FAS: variants seen among roughly 807,000 people sequenced by gnomAD.
The protein encoded by FAS is tumor necrosis factor receptor superfamily member 6.
In FAS, 5 loss-of-function variants were observed where a neutral mutation model predicts 33.2. That is an observed-to-expected ratio of 0.15 (90% confidence interval 0.08 to 0.32). The LOEUF (loss-of-function observed/expected upper bound fraction) is 0.32. Ranked by LOEUF, FAS falls within the 10% of genes least tolerant of loss-of-function variation. FAS has a pLI of 1.00. For missense variants in FAS, 339 were observed against 386.0 expected, an observed-to-expected ratio of 0.88 and a Z score of 1.02; for synonymous variants, 131 against 130.7, an observed-to-expected ratio of 1.00 and a Z score of -0.01.
chr10:89,010,569 A>G lies in FAS; in HGVS notation c.474A>G (p.Thr158=). 6.2e-7 allele frequency: 1 copy of G among 1,613,934 alleles called. No individual in the cohort carries two copies. Among genetic ancestry groups the G allele is most frequent in the East Asian group, 2.2e-5 (1 of 44,866 alleles). ...KCEHGIIKEC[T]LTSNTKCKEE... is the part of the protein sequence containing the mutation. ...AACATGGAATCATCAAGGAATGCAC[A>G]CTCACCAGCAACACCAAGTGCAAAG... The change falls in exon 5 of 9, where the codon ACA becomes ACG. Residue 158 remains threonine, a synonymous_variant. Coordinates refer to ENST00000652046, the MANE Select transcript of FAS (RefSeq NM_000043.6).
intron 1 of FAS, among the ~76,000 whole-genome samples, chr10:88,996,911 T>C (rs1355967684): frequency 1.3e-5 from 2 of 152,194 alleles, no homozygotes; most frequent in Non-Finnish European, 2.9e-5. Flanking sequence ...ACGTGGCCCC[T>C]CTGGGCTTGT....
chr10:88,985,183 G>C (rs1564664689), upstream of FAS, among the ~76,000 whole-genome samples: 1 of 152,170 alleles, frequency 6.6e-6, no homozygotes, highest in Non-Finnish European at 1.5e-5. Flanking sequence ...TGTTTACCAG[G>C]TGAGAAAACT....
Position 89,015,791 on chromosome 10 carries a change from G to C in FAS, c.*1341G>C, listed in dbSNP as rs1056653566. 2.2e-6 allele frequency: 1 copy of C among 464,922 alleles called. No individual in the cohort carries two copies. Among genetic ancestry groups the C allele is most frequent in the Admixed American group, 2.8e-5 (1 of 35,728 alleles). 28.8% of individuals were successfully genotyped at this position (464,922 alleles called of 1,614,324 possible). A position where few individuals can be genotyped will look rare whatever the true frequency, so the allele number is the denominator to read the frequency against. On this transcript the variant is annotated 3_prime_UTR_variant, in exon 9 of 9. Coordinates refer to ENST00000652046, the MANE Select transcript of FAS (RefSeq NM_000043.6). ...ATTAAATAATGTTTTTGGTATTTCT[G>C]GTTTTCTCTTTTTTGGTAGGGGCTT... is the stretch of plus-strand genomic sequence containing the variant.
At chr10:89,005,592 A>G (rs955484853) in intron 2 of FAS, among the ~76,000 whole-genome samples, 2 of 152,102 alleles carry the variant, frequency 1.3e-5, no homozygotes, top group African/African-American at 4.8e-5. Flanking sequence ...ATGCAACAAA[A>G]TAACGGCAAT....
chr10:88,991,130 G>T (rs868444365), intron 1 of FAS: 6 of 623,800 alleles, frequency 9.6e-6, no homozygotes, highest in Non-Finnish European at 1.4e-5. Flanking sequence ...TGCTTTTCTT[G>T]GGCCTTGATG....
intron 7 of FAS, chr10:89,012,681 T>C (rs558149850): frequency 6.4e-6 from 1 of 156,890 alleles, no homozygotes; most frequent in Admixed American, 6.2e-5. Context: ...GTGTTGTTGT[T>C]ATCCCTGCAG....
intron 2 of FAS, chr10:88,975,155 A>T (rs1444976963): frequency 2.2e-5 from 1 of 46,488 alleles, no homozygotes; most frequent in Non-Finnish European, 6.7e-5. Flanking sequence ...TCAACGATTA[A>T]AAAAAAAAAA....
intron 1 of FAS, among the ~76,000 whole-genome samples, chr10:88,995,732 A>C (rs897510779): frequency 6.6e-6 from 1 of 152,170 alleles, no homozygotes; most frequent in Non-Finnish European, 1.5e-5. Flanking sequence ...AGGTCGCGGC[A>C]GGAGAATCAC....
intron 2 of FAS, among the ~76,000 whole-genome samples, chr10:88,979,612 CT>C (rs550424129): frequency 5.5e-4 from 79 of 143,200 alleles, no homozygotes; most frequent in African/African-American, 1.7e-3. Context: ...TTAATGATGA[CT>C]TTTTTTTTTT....
rs1334883469 is a variant in FAS at position 89,011,437 on chromosome 10, ATC to A, written c.569-560_569-559del. 2.0e-5 allele frequency among the ~76,000 whole-genome samples: 3 copies of A among 152,382 alleles called. No individual in the cohort carries two copies. The East Asian group carries it at 5.8e-4, about 29-fold the overall frequency. On this transcript the variant is annotated intron_variant, in intron 6 of 8. Coordinates refer to ENST00000652046, the MANE Select transcript of FAS (RefSeq NM_000043.6). ...TCAATTTTCCCTTCTCAGAACAATT[ATC>A]TGTTTCTTCAGTTCAGTTGAAGAAG... is the stretch of plus-strand genomic sequence containing the variant.
chr10:89,007,617 A>T, intron 2 of FAS, 83 bp from the exon 3 acceptor site: 1 of 1,513,792 alleles, frequency 6.6e-7, no homozygotes, highest in Non-Finnish European at 9.0e-7. Flanking sequence ...GAAGAGTTTT[A>T]TTGTCTGTCA....
In FAS at chr10:88,990,923, C is replaced by G; in HGVS notation, c.30+17C>G. On this transcript the variant is annotated intron_variant, in intron 1 of 8. Transcript: ENST00000652046. The surrounding 1 kb of genome is among the most constrained non-coding windows in gnomAD (Gnocchi z 4.9). ...CTACCTCTGGTGAGCCCTCTCCTGC[C>G]CGGGTGGAGGCTTACCCCGTCTTAG... 3 of 1,614,170 alleles carry G rather than the reference C, an allele frequency of 1.9e-6. No individual in the cohort carries two copies. The highest frequency in any genetic ancestry group is 2.5e-6 in the Non-Finnish European group (3 of 1,180,020).
At position 89,014,603 on chromosome 10, in the gene FAS, C is replaced by G; in HGVS notation, c.*153C>G. The stretch of plus-strand genomic sequence containing the variant: ...CAACATATTTGTAGATTTTTAATAT[C>G]TCATGATTCTGCCTCCAAGGATGTT... On this transcript the variant is annotated 3_prime_UTR_variant, in exon 9 of 9. Coordinates refer to ENST00000652046, the MANE Select transcript of FAS (RefSeq NM_000043.6). 1 of 806,658 alleles carries G rather than the reference C, an allele frequency of 1.2e-6. No individual in the cohort carries two copies. The highest frequency in any genetic ancestry group is 2.1e-6 in the Non-Finnish European group (1 of 483,402). The allele number at this position is 806,658 out of a possible 1,614,324, so 50.0% of individuals were successfully genotyped here. A position where few individuals can be genotyped will look rare whatever the true frequency, so the allele number is the denominator to read the frequency against.
upstream of FAS, among the ~76,000 whole-genome samples, chr10:88,986,953 C>G (rs1025034659): frequency 6.6e-6 from 1 of 152,124 alleles, no homozygotes; most frequent in African/African-American, 2.4e-5. Flanking sequence ...TATGTCATTT[C>G]TTTAATCCTG....
chr10:88,964,862 CT>C (rs1457310149), intron 1 of FAS, among the ~76,000 whole-genome samples: 1 of 152,130 alleles, frequency 6.6e-6, no homozygotes, highest in African/African-American at 2.4e-5. Context: ...TCCTTTGTAA[CT>C]TTCTTTTGCC....
chr10:88,986,507 T>C (rs752655711), upstream of FAS, among the ~76,000 whole-genome samples: 6 of 152,208 alleles, frequency 3.9e-5, no homozygotes, highest in Non-Finnish European at 7.3e-5. Context: ...CCAGTTTTCA[T>C]AGTGGGAAAA....
At position 88,973,240 on chromosome 10, in the gene FAS, A is replaced by T. The variant is rs756355344; in HGVS notation, n.153A>T. The T allele has an allele frequency of 3.8e-5, 61 of 1,612,504 alleles. 1 individual carries two copies. In the African/African-American group the frequency reaches 6.8e-4, roughly 18 times the overall value. ...ACTGCTTTGGAGATGGAGCCCCTGA[A>T]AATTGGCTATGGACCAAATGGATTC... On this transcript the variant is annotated non_coding_transcript_exon_variant, in exon 2 of 4. Transcript: ENST00000688239.
intron 1 of FAS, among the ~76,000 whole-genome samples, chr10:88,996,439 T>C (rs1454857790): frequency 6.6e-6 from 1 of 151,956 alleles, no homozygotes; most frequent in African/African-American, 2.4e-5. Context: ...AGAGGCTAGT[T>C]GGGGGCAAAG....
intron 1 of FAS, among the ~76,000 whole-genome samples, chr10:88,971,000 A>G (rs991111962): frequency 6.6e-6 from 1 of 152,206 alleles, no homozygotes; most frequent in Admixed American, 6.5e-5. Context: ...GCCCAAAGGC[A>G]ATAAATAAAA....
Sources: allele counts gnomAD v4.1 joint callset (sites outside exome capture counted in the v4.1 genomes callset), GRCh38; gene constraint gnomAD v4.1.1; non-coding constraint Gnocchi (gnomAD v3.1); transcripts MANE v1.5; gene names NCBI Gene and HGNC (gene_info 2026-07-23, HGNC 2026-07-21).